Variants in TXNDC11 observed in about 807,000 individuals in gnomAD.
TXNDC11 encodes the protein thioredoxin domain-containing protein 11.
Under a neutral mutation model 78.0 loss-of-function variants are expected in TXNDC11, and 68 were observed. The observed-to-expected ratio is 0.87, with a 90% CI of 0.72 to 1.07. The LOEUF (loss-of-function observed/expected upper bound fraction) is 1.07. Among genes scored for constraint, TXNDC11 ranks in the 50% least tolerant of loss-of-function variants. The pLI is 0.00. For synonymous variants in TXNDC11, 571 were observed against 495.2 expected (o/e 1.15, Z -2.03); for missense variants, 1,389 against 1,221.8 (o/e 1.14, Z -2.04).
chr16:11,680,654 T>C (rs1257458246), intron 11 of TXNDC11, among the ~76,000 whole-genome samples: 2 of 152,110 alleles, frequency 1.3e-5, no homozygotes, highest in South Asian at 4.1e-4. Context: ...AACTACCAGC[T>C]TTATGCACTT....
At chr16:11,738,784 T>C (rs941108803) in intron 1 of TXNDC11, among the ~76,000 whole-genome samples, 5 of 152,144 alleles carry the variant, frequency 3.3e-5, no homozygotes, top group Non-Finnish European at 7.4e-5. Context: ...TCCCAGCACT[T>C]TGGGAGACAG....
intron 4 of TXNDC11, 115 bp downstream of exon 4, chr16:11,730,530 C>G: frequency 9.2e-7 from 1 of 1,087,946 alleles, no homozygotes; most frequent in Non-Finnish European, 1.3e-6. Context: ...TATCACATGA[C>G]CTTTTACTTG....
chr16:11,700,099 A>G (rs886554474), intron 6 of TXNDC11, among the ~76,000 whole-genome samples: 1 of 152,232 alleles, frequency 6.6e-6, no homozygotes, highest in Non-Finnish European at 1.5e-5. Flanking sequence ...TAAACACAGA[A>G]CATCACTCAG....
intron 2 of TXNDC11, 132 bp downstream of exon 2, chr16:11,735,885 G>A (rs2052204821): frequency 1.3e-6 from 1 of 764,140 alleles, no homozygotes; most frequent in African/African-American, 1.7e-5. Flanking sequence ...AGAAAGCTCT[G>A]TAACTTAGAA....
At chr16:11,718,716 T>C (rs2051617555) in intron 5 of TXNDC11, among the ~76,000 whole-genome samples, 1 of 152,174 alleles carries the variant, frequency 6.6e-6, no homozygotes, top group African/African-American at 2.4e-5. Context: ...AAGGATTAAT[T>C]AGAATTAATT....
chr16:11,739,326 G>C (rs1486907525), intron 1 of TXNDC11, among the ~76,000 whole-genome samples: 1 of 152,162 alleles, frequency 6.6e-6, no homozygotes, highest in Non-Finnish European at 1.5e-5. Flanking sequence ...GCTATGAGGG[G>C]TATGTCTCGG....
chr16:11,733,842 C>CT (rs1286998573), intron 3 of TXNDC11, 140 bp downstream of exon 3: 249 of 627,480 alleles, frequency 4.0e-4, no homozygotes, highest in Middle Eastern at 4.2e-4. Flanking sequence ...CCAGATCTTT[C>CT]TTTTTTAATT....
At chr16:11,740,438 G>C (rs1179560652) in intron 1 of TXNDC11, among the ~76,000 whole-genome samples, 1 of 152,172 alleles carries the variant, frequency 6.6e-6, no homozygotes, top group Non-Finnish European at 1.5e-5. Flanking sequence ...TCTAGTAACT[G>C]GATTTACTCT....
chr16:11,736,461 C>T (rs913090546), intron 1 of TXNDC11, among the ~76,000 whole-genome samples: 2 of 152,148 alleles, frequency 1.3e-5, no homozygotes, highest in African/African-American at 2.4e-5. Flanking sequence ...GCTGGAAGGG[C>T]AGTGGAGAGC....
At position 11,691,661 on chromosome 16, in the gene TXNDC11, C is replaced by T; in HGVS notation, c.1529G>A (p.Arg510Lys). The T allele has an allele frequency of 1.2e-6, 2 of 1,614,166 alleles. No individual in the cohort carries two copies. The highest frequency in any genetic ancestry group is 1.7e-6 in the Non-Finnish European group (2 of 1,180,036). Residue 510 changes from arginine to lysine, a missense_variant, in exon 8 of 12, where the codon AGG (arginine) becomes AAG (lysine). Transcript: ENST00000283033. Reference protein sequence around the residue: ...SPFSYYTACCRTISRGVSGFI... With the variant: ...SPFSYYTACCKTISRGVSGFI... ...GCCTGACACACCCCTGCTTATGGTC[C>T]TGCAACATGCAGTGTAGTAGCTGAA...
Position 11,691,666 on chromosome 16 carries a change from A to G in TXNDC11, c.1524T>C (p.Cys508=). 1.1e-5 allele frequency: 17 copies of G among 1,614,230 alleles called. No homozygotes were observed. The highest frequency in any genetic ancestry group is 1.4e-5 in the Non-Finnish European group (17 of 1,180,046). ...ACACACCCCTGCTTATGGTCCTGCA[A>G]CATGCAGTGTAGTAGCTGAAGGGGC... ...SYSPFSYYTA[C]CRTISRGVSG... is the part of the protein sequence containing the mutation. Residue 508 remains cysteine (C), a synonymous_variant, in exon 8 of 12, where the codon TGT becomes TGC. Coordinates refer to ENST00000283033, the MANE Select transcript of TXNDC11 (RefSeq NM_015914.7).
At chr16:11,714,078 G>A (rs938395429) in intron 5 of TXNDC11, among the ~76,000 whole-genome samples, 3 of 150,796 alleles carry the variant, frequency 2.0e-5, no homozygotes, top group African/African-American at 7.3e-5. Context: ...TCTCACTTTC[G>A]TCACCCAGGC....
rs145376245 is a variant in TXNDC11, at chr16:11,700,564, T to C, written c.794A>G (p.Asp265Gly). ...FTSALHSLKK[D>G]YLGTVRFGVI... The stretch of plus-strand genomic sequence containing the variant: ...CCCAAATCGTACTGTTCCTAGGTAA[T>C]CTGAAACAGAAAATTTTCCTTTATT... Residue 265 changes from aspartate (D) to glycine (G), a missense_variant and splice_region_variant, in exon 6 of 12, where the codon GAT (aspartate) becomes GGT (glycine). Physicochemically the swap from Asp to Gly is moderately conservative, Grantham distance 94. Transcript: ENST00000283033. The C allele has an allele frequency of 1.7e-5, 26 of 1,536,458 alleles. No individual in the cohort carries two copies. Among genetic ancestry groups the C allele is most frequent in the Non-Finnish European group, 2.3e-5 (26 of 1,115,364 alleles).
chr16:11,742,316 G>A (rs544373517), intron 1 of TXNDC11, 161 bp downstream of exon 1: 2 of 519,456 alleles, frequency 3.9e-6, no homozygotes, highest in African/African-American at 4.0e-5. Flanking sequence ...GCGAGGAGAA[G>A]GTGGGAAGCC....
intron 4 of TXNDC11, among the ~76,000 whole-genome samples, chr16:11,722,093 T>G (rs1312546546): frequency 6.6e-6 from 1 of 152,226 alleles, no homozygotes; most frequent in African/African-American, 2.4e-5. Flanking sequence ...TTCTTAAGTT[T>G]CTTCTTGAAT....
intron 1 of TXNDC11, among the ~76,000 whole-genome samples, chr16:11,739,976 T>C (rs534404739): frequency 6.6e-6 from 1 of 152,028 alleles, no homozygotes; most frequent in East Asian, 1.9e-4. Flanking sequence ...GAGGACCACC[T>C]GAAGTCAGGA....
At chr16:11,703,119 G>A (rs972379577) in intron 5 of TXNDC11, among the ~76,000 whole-genome samples, 5 of 152,062 alleles carry the variant, frequency 3.3e-5, no homozygotes, top group African/African-American at 7.2e-5. Context: ...AAAACCAAGC[G>A]AGATGTGGCA....
At chr16:11,728,607 G>A (rs975305732) in intron 4 of TXNDC11, among the ~76,000 whole-genome samples, 8 of 152,178 alleles carry the variant, frequency 5.3e-5, no homozygotes, top group African/African-American at 1.9e-4. Flanking sequence ...GTAGATTAGT[G>A]AGTCTAACAT....
Position 11,687,846 on chromosome 16 carries a change from G to C in TXNDC11, c.2153+11C>G, listed in dbSNP as rs1333425048. 3.1e-6 allele frequency: 5 copies of C among 1,587,690 alleles called. No individual in the cohort carries two copies. Among genetic ancestry groups the C allele is most frequent in the Non-Finnish European group, 4.3e-6 (5 of 1,156,704 alleles). On this transcript the variant is annotated intron_variant, in intron 10 of 11. Coordinates refer to ENST00000283033, the MANE Select transcript of TXNDC11 (RefSeq NM_015914.7). ...ATACAGCCCAAAGCGCTGCAGAAGA[G>C]GCCTGCTTACCTTGCCACAGTGAAT...
Sources: gnomAD v4.1 joint callset for allele counts (sites outside exome capture counted in the v4.1 genomes callset) on GRCh38, gnomAD v4.1.1 for gene constraint, MANE v1.5 for transcripts, NCBI Gene and HGNC (gene_info 2026-07-23, HGNC 2026-07-21) for gene names.